The following HHLA1 variants were observed in gnomAD, a reference collection of about 807,000 sequenced individuals.
HHLA1 encodes the protein HHLA1 neighbor of OC90.
Under a neutral mutation model 69.9 loss-of-function variants are expected in HHLA1, and 72 were observed. The ratio of observed to expected loss-of-function variants is 1.03; its 90% CI spans 0.85 to 1.25. The LOEUF (loss-of-function observed/expected upper bound fraction) is 1.25, where lower values mean the gene tolerates loss of function less well. Among genes scored for constraint, HHLA1 ranks in the 50% most tolerant of loss-of-function variants. The pLI is 0.00. For missense variants in HHLA1, 685 were observed against 642.2 expected (o/e 1.07, Z -0.72); for synonymous variants, 252 against 233.2 (o/e 1.08, Z -0.73).
At chr8:132,092,902 A>G (rs1019293254) in intron 7 of HHLA1, among the ~76,000 whole-genome samples, 2 of 152,220 alleles carry the variant, frequency 1.3e-5, no homozygotes, top group Non-Finnish European at 2.9e-5. Context: ...GCAAAGCAAC[A>G]AGCTAGAAGG....
intron 14 of HHLA1, among the ~76,000 whole-genome samples, chr8:132,072,392 G>C (rs1175159496): frequency 6.6e-6 from 1 of 151,934 alleles, no homozygotes; most frequent in Admixed American, 6.6e-5. Flanking sequence ...ATATTGAAAA[G>C]TTGTTTGCAT....
intron 15 of HHLA1, among the ~76,000 whole-genome samples, chr8:132,067,370 A>C (rs1460727542): frequency 6.6e-6 from 1 of 152,208 alleles, no homozygotes; most frequent in Non-Finnish European, 1.5e-5. Context: ...CAGCCCCTTC[A>C]TTAAAGAGTC....
Position 132,062,332 on chromosome 8 carries a change from G to A in HHLA1, c.*1663C>T, listed in dbSNP as rs965993849. The A allele has an allele frequency of 1.3e-5, 2 of 152,208 alleles. No homozygotes were observed. The highest frequency in any genetic ancestry group is 4.8e-5 in the African/African-American group (2 of 41,450). The allele number at this position is 152,208 out of a possible 1,614,324, so 9.4% of individuals were successfully genotyped here. A position where few individuals can be genotyped will look rare whatever the true frequency, so the allele number is the denominator to read the frequency against. On this transcript the variant is annotated 3_prime_UTR_variant, in exon 17 of 17. Transcript: ENST00000414222. ...TCTGCATATGATTAGAAAGAGAAAT[G>A]TCTGGCTGCTCCTCTCTCCAATGTC...
intron 1 of HHLA1, among the ~76,000 whole-genome samples, chr8:132,107,696 T>C (rs989815590): frequency 6.6e-6 from 1 of 152,228 alleles, no homozygotes; most frequent in Non-Finnish European, 1.5e-5. Context: ...TTTAATTCTT[T>C]GTCATTGGCC....
intron 4 of HHLA1, 114 bp downstream of exon 4, chr8:132,099,961 A>G (rs1824086799): frequency 2.7e-6 from 2 of 733,652 alleles, no homozygotes; most frequent in Admixed American, 2.3e-5. Context: ...ATGATCAGAT[A>G]ATGATTAAAG....
At chr8:132,078,604 G>A (rs1332777540) in intron 11 of HHLA1, among the ~76,000 whole-genome samples, 2 of 152,136 alleles carry the variant, frequency 1.3e-5, no homozygotes, top group African/African-American at 4.8e-5. Context: ...GGGGAAGCCT[G>A]TGTCTCCTCT....
At chr8:132,080,364 C>T (rs1055866866) in intron 10 of HHLA1, 41 of 332,162 alleles carry the variant, frequency 1.2e-4, no homozygotes, top group East Asian at 3.3e-4. Context: ...AGGGTGGGGC[C>T]GTTTTATAGG....
intron 14 of HHLA1, among the ~76,000 whole-genome samples, chr8:132,074,337 T>C (rs72715337): frequency 0.14 from 21,022 of 152,054 alleles, 1,990 homozygotes; most frequent in African/African-American, 0.26. Flanking sequence ...AGCTTTTTTT[T>C]TTTTCACATA....
intron 4 of HHLA1, 136 bp from the exon 5 acceptor site, chr8:132,099,098 G>A (rs1824073228): frequency 1.1e-5 from 7 of 621,966 alleles, no homozygotes; most frequent in Non-Finnish European, 1.9e-5. Flanking sequence ...AGGCACGAGG[G>A]GTTCCAAGTT....
intron 1 of HHLA1, among the ~76,000 whole-genome samples, chr8:132,105,802 G>T (rs1263328740): frequency 6.6e-6 from 1 of 152,168 alleles, no homozygotes. Flanking sequence ...TTTCTTCCAT[G>T]GATTTTCTGG....
chr8:132,108,070 C>T (rs543038546), intron 1 of HHLA1, among the ~76,000 whole-genome samples: 1 of 152,298 alleles, frequency 6.6e-6, no homozygotes. Context: ...ATTTGTGGAG[C>T]TCATGGCATA....
intron 1 of HHLA1, 41 bp from the exon 2 acceptor site, chr8:132,105,327 G>A: frequency 8.1e-7 from 1 of 1,239,118 alleles, no homozygotes; most frequent in South Asian, 1.3e-5. Context: ...CTAAGCACAT[G>A]GATGCAGACC....
Position 132,081,190 on chromosome 8 carries a change from G to A in HHLA1, c.677-1224C>T, listed in dbSNP as rs1170441697. 2.6e-5 allele frequency: 4 copies of A among 152,162 alleles called. No individual in the cohort carries two copies. The East Asian group carries it at 5.8e-4, about 22-fold the overall frequency. The allele number at this position is 152,162 out of a possible 1,614,324, so 9.4% of individuals were successfully genotyped here. ...AAACCGGCAGTGTAAACAAGAGCAG[G>A]GCATGTATGAGTAGTTGAGAACGGT... is the stretch of plus-strand genomic sequence containing the variant. On this transcript the variant is annotated intron_variant, in intron 10 of 16. Coordinates refer to ENST00000414222, the MANE Select transcript of HHLA1 (RefSeq NM_001145095.3).
At position 132,095,719 on chromosome 8, in the gene HHLA1, A is replaced by G. The variant is rs755173930; in HGVS notation, c.348T>C (p.Ser116=). The G allele has an allele frequency of 4.5e-6, 7 of 1,551,298 alleles. No homozygotes were observed. Among genetic ancestry groups the G allele is most frequent in the South Asian group, 2.4e-5 (2 of 84,010 alleles). The part of the protein sequence containing the change: ...SYSSFAFHKF[S]VAVYNISNLK... ...AGCACTCACTGTTGTAAACAGCTACAGAAAACTTGTGGAAGGCGAAGGAAC... is the reference window on the plus strand; with the variant it reads ...AGCACTCACTGTTGTAAACAGCTACGGAAAACTTGTGGAAGGCGAAGGAAC... Residue 116 remains serine, a synonymous_variant, in exon 6 of 17, where the codon TCT becomes TCC. Coordinates refer to ENST00000414222, the MANE Select transcript of HHLA1 (RefSeq NM_001145095.3).
At chr8:132,090,321 T>C (rs148567115) in intron 7 of HHLA1, among the ~76,000 whole-genome samples, 2 of 152,210 alleles carry the variant, frequency 1.3e-5, no homozygotes, top group African/African-American at 2.4e-5. Flanking sequence ...TCCTTCTTTG[T>C]TCATTTATGG....
At chr8:132,091,165 G>A (rs1823940749) in intron 7 of HHLA1, among the ~76,000 whole-genome samples, 1 of 152,178 alleles carries the variant, frequency 6.6e-6, no homozygotes, top group Non-Finnish European at 1.5e-5. Context: ...TATTCATCGA[G>A]CATTTGCAGT....
chr8:132,087,689 T>C lies in HHLA1; in HGVS notation c.640A>G (p.Asn214Asp), dbSNP rs1424437600. The C allele has an allele frequency of 1.9e-6, 3 of 1,551,444 alleles. No individual in the cohort carries two copies. Among genetic ancestry groups the C allele is most frequent in the Non-Finnish European group, 2.6e-6 (3 of 1,146,910 alleles). ...GACAAGCCGCTGGTAAATGTGTAAT[T>C]GATAATGGGATATTTTTCTTCTATC... ...WEIEEKYPIINYTFTSGLSGV... is the reference protein window; with the variant it reads ...WEIEEKYPIIDYTFTSGLSGV... Residue 214 changes from asparagine (N) to aspartate (D), a missense_variant, in exon 10 of 17, where the codon AAT becomes GAT. By Grantham distance (23) the Asn-to-Asp change is conservative. Coordinates refer to ENST00000414222, the MANE Select transcript of HHLA1 (RefSeq NM_001145095.3).
Position 132,064,048 on chromosome 8 carries a change from AAGC to A in HHLA1, c.1553-13_1553-11del, listed in dbSNP as rs1416941547. The A allele has an allele frequency of 1.5e-6, 2 of 1,302,726 alleles. No homozygotes were observed. The highest frequency in any genetic ancestry group is 2.0e-6 in the Non-Finnish European group (2 of 987,150). The allele number at this position is 1,302,726 out of a possible 1,614,324, so 80.7% of individuals were successfully genotyped here. On this transcript the variant is annotated splice_polypyrimidine_tract_variant and intron_variant, in intron 16 of 16. Transcript: ENST00000414222. ...CACTTTTGCTTTAAGGCTGAAAAAA[AAGC>A]AGAAGAAGAAGGAACTCAAGGTACT...
rs1586736538 is a variant in HHLA1, at chr8:132,104,260, AT to A, written c.80-94del. On this transcript the variant is annotated intron_variant, in intron 2 of 16. Transcript: ENST00000414222. The stretch of plus-strand genomic sequence containing the variant: ...ACATACCCATTTTACAGATGAGAGA[AT>A]TATGATCTGGGGTTGTGAAGTGACA... 4 of 843,786 alleles carry A rather than the reference AT, an allele frequency of 4.7e-6. No homozygotes were observed. The East Asian group carries it at 1.1e-4, about 23-fold the overall frequency. 52.3% of individuals were successfully genotyped at this position (843,786 alleles called of 1,614,324 possible).
Sources: allele counts gnomAD v4.1 joint callset (sites outside exome capture counted in the v4.1 genomes callset), GRCh38; gene constraint gnomAD v4.1.1; transcripts MANE v1.5; gene names NCBI Gene and HGNC (gene_info 2026-07-23, HGNC 2026-07-21).